The following CSMD2 variants were observed in gnomAD, a reference collection of about 807,000 sequenced individuals.
CSMD2 encodes CUB and Sushi multiple domains 2, also known as CUB and sushi domain-containing protein 2.
CSMD2 carries 130 observed loss-of-function variants against 398.5 expected under a neutral mutation model. The ratio of observed to expected loss-of-function variants is 0.33; its 90% CI spans 0.28 to 0.38. CSMD2 has a LOEUF of 0.38. Among genes scored for constraint, CSMD2 ranks in the 10% least tolerant of loss-of-function variants. The probability of loss-of-function intolerance (pLI) is 1.00; values close to 1 mark genes in which losing one functional copy is unlikely to be tolerated. For synonymous variants in CSMD2, 1,828 were observed against 1,908.5 expected (o/e 0.96, Z 1.10); for missense variants, 3,829 against 4,764.9 (o/e 0.80, Z 5.78).
At chr1:34,091,606 T>G (rs1658569402) in intron 1 of CSMD2, among the ~76,000 whole-genome samples, 1 of 152,152 alleles carries the variant, frequency 6.6e-6, no homozygotes, top group South Asian at 2.1e-4. Flanking sequence ...CTAAAGGACT[T>G]TAATATTAAG....
chr1:33,641,003 T>A (rs1643074615), intron 29 of CSMD2, among the ~76,000 whole-genome samples: 2 of 152,132 alleles, frequency 1.3e-5, no homozygotes, highest in African/African-American at 2.4e-5. Flanking sequence ...TTCTTTCAGA[T>A]TCTCTAACAC....
At chr1:33,560,885 G>GT (rs1658476118) in intron 53 of CSMD2, among the ~76,000 whole-genome samples, 1 of 152,216 alleles carries the variant, frequency 6.6e-6, no homozygotes, top group Non-Finnish European at 1.5e-5. Flanking sequence ...CAGCGAATGA[G>GT]TAAGTGCATG....
chr1:34,125,585 C>T (rs1250811024), intron 1 of CSMD2, among the ~76,000 whole-genome samples: 1 of 151,742 alleles, frequency 6.6e-6, no homozygotes, highest in Non-Finnish European at 1.5e-5. Flanking sequence ...TCTGCAGAAG[C>T]CCTGCAGCAC....
chr1:33,856,184 T>A (rs541582623), intron 5 of CSMD2, among the ~76,000 whole-genome samples: 2 of 152,248 alleles, frequency 1.3e-5, no homozygotes, highest in Non-Finnish European at 2.9e-5. Context: ...TGAGAAGAGG[T>A]GGTGGGATCT....
intron 44 of CSMD2, chr1:33,598,624 C>G (rs1264247624): frequency 6.7e-6 from 1 of 149,170 alleles, no homozygotes; most frequent in Non-Finnish European, 1.5e-5. Context: ...TGTCTTTATG[C>G]TGTGTCCTCA....
At chr1:33,790,655 TTGTC>T (rs375434735) in intron 11 of CSMD2, among the ~76,000 whole-genome samples, 130 of 124,710 alleles carry the variant, frequency 1.0e-3, no homozygotes, top group African/African-American at 3.6e-3. Context: ...TATTTGCTGT[TTGTC>T]TGTCTATCTA....
At chr1:33,634,489 G>A (rs1642676165) in intron 31 of CSMD2, among the ~76,000 whole-genome samples, 1 of 152,140 alleles carries the variant, frequency 6.6e-6, no homozygotes, top group Non-Finnish European at 1.5e-5. Context: ...CATCAATTGT[G>A]TTTAGATATG....
At chr1:33,792,360 A>T in intron 11 of CSMD2, 63 bp downstream of exon 11, 3 of 1,174,106 alleles carry the variant, frequency 2.6e-6, no homozygotes, top group Non-Finnish European at 3.8e-6. Flanking sequence ...GACTCCACAA[A>T]CCCCACCCCA....
At chr1:33,601,291 G>A (rs1640200441) in intron 43 of CSMD2, among the ~76,000 whole-genome samples, 1 of 152,156 alleles carries the variant, frequency 6.6e-6, no homozygotes, top group Non-Finnish European at 1.5e-5. Flanking sequence ...CATGGAGCAG[G>A]GGTGTGGGTC....
At chr1:33,815,111 A>G (rs1362399346) in intron 9 of CSMD2, among the ~76,000 whole-genome samples, 1 of 152,170 alleles carries the variant, frequency 6.6e-6, no homozygotes, top group African/African-American at 2.4e-5. Flanking sequence ...TGCCATCACA[A>G]TAGAAACTTC....
At chr1:33,634,449 G>A (rs1642673493) in intron 31 of CSMD2, among the ~76,000 whole-genome samples, 1 of 152,082 alleles carries the variant, frequency 6.6e-6, no homozygotes, top group South Asian at 2.1e-4. Flanking sequence ...TGGGTGGTCG[G>A]GACATGTTGA....
Position 34,121,005 on chromosome 1 carries a change from T to C in CSMD2, c.188-31812A>G, listed in dbSNP as rs190909802. 3.4e-3 allele frequency among the ~76,000 whole-genome samples: 514 copies of C among 152,346 alleles called. 4 individuals carry two copies. Among genetic ancestry groups the C allele is most frequent in the African/African-American group, 0.012 (489 of 41,572 alleles). ...TTACATATTTACTAACGTATTTGTT[T>C]ATTTTCTTTGAATAACCAGACATGC... is the stretch of plus-strand genomic sequence containing the variant. On this transcript the variant is annotated intron_variant, in intron 1 of 70. Coordinates refer to ENST00000373381, the MANE Select transcript of CSMD2 (RefSeq NM_001281956.2).
In CSMD2 at chr1:33,537,362, T is replaced by A. The variant is rs958590842; in HGVS notation, c.9805+74A>T. 4.1e-6 allele frequency: 6 copies of A among 1,466,380 alleles called. No homozygotes were observed. In the African/African-American group the frequency reaches 5.6e-5, roughly 14 times the overall value. The allele number at this position is 1,466,380 out of a possible 1,614,324, so 90.8% of individuals were successfully genotyped here. ...GACCACTGAAGACAGGGAAGGAAAG[T>A]AATCATCTCAGGCCCAAAAGAAGGT... On this transcript the variant is annotated intron_variant, in intron 61 of 70. Coordinates refer to ENST00000373381, the MANE Select transcript of CSMD2 (RefSeq NM_001281956.2). The surrounding 1 kb of genome is among the most constrained non-coding windows in gnomAD (Gnocchi z 4.6).
In CSMD2 at chr1:33,720,501, T is replaced by A. The variant is rs528068586; in HGVS notation, c.3001+3696A>T. 1.5e-4 allele frequency among the ~76,000 whole-genome samples: 23 copies of A among 152,246 alleles called. 1 individual carries two copies. The highest frequency in any genetic ancestry group is 1.0e-3 in the Admixed American group (16 of 15,294). Reference sequence around the variant, plus strand: ...GCAAGGGCAACGGCAGAGATTCCCATTCCCCTTGCTTGGGGAGACGAAGTG... The same window carrying A: ...GCAAGGGCAACGGCAGAGATTCCCAATCCCCTTGCTTGGGGAGACGAAGTG... On this transcript the variant is annotated intron_variant, in intron 19 of 70. Coordinates refer to ENST00000373381, the MANE Select transcript of CSMD2 (RefSeq NM_001281956.2).
chr1:33,713,794 T>C (rs1181505067), intron 21 of CSMD2, among the ~76,000 whole-genome samples: 1 of 152,180 alleles, frequency 6.6e-6, no homozygotes, highest in Admixed American at 6.5e-5. Context: ...CCCAGATATC[T>C]ATCTCTGGCC....
intron 2 of CSMD2, among the ~76,000 whole-genome samples, chr1:34,055,159 A>T (rs944583470): frequency 6.6e-6 from 1 of 152,134 alleles, no homozygotes; most frequent in African/African-American, 2.4e-5. Context: ...CAACAATAAC[A>T]ATAAACAAGC....
At chr1:34,085,146 C>T (rs891161928) in intron 2 of CSMD2, among the ~76,000 whole-genome samples, 11 of 151,964 alleles carry the variant, frequency 7.2e-5, no homozygotes, top group African/African-American at 1.7e-4. Flanking sequence ...AACCAAACAC[C>T]GCATGTTCTC....
At chr1:34,085,868 T>C (rs1657817535) in intron 2 of CSMD2, among the ~76,000 whole-genome samples, 1 of 152,116 alleles carries the variant, frequency 6.6e-6, no homozygotes, top group Admixed American at 6.5e-5. Context: ...ACACAACAAA[T>C]ACCACAAACA....
At chr1:33,966,217 C>A (rs931906288) in intron 3 of CSMD2, among the ~76,000 whole-genome samples, 1 of 152,186 alleles carries the variant, frequency 6.6e-6, no homozygotes, top group East Asian at 1.9e-4. Flanking sequence ...ATTCTGCCAG[C>A]CCACCAGCAG....
Sources: gnomAD v4.1 joint callset for allele counts (sites outside exome capture counted in the v4.1 genomes callset) on GRCh38, gnomAD v4.1.1 for gene constraint, Gnocchi (gnomAD v3.1) non-coding constraint, MANE v1.5 for transcripts, NCBI Gene and HGNC (gene_info 2026-07-23, HGNC 2026-07-21) for gene names.